DHX57: variants seen among roughly 807,000 people sequenced by gnomAD.
The protein encoded by DHX57 is DExH-box helicase 57.
In DHX57, 105 loss-of-function variants were observed where a neutral mutation model predicts 156.2. The ratio of observed to expected loss-of-function variants is 0.67; its 90% CI spans 0.57 to 0.79. DHX57 has a LOEUF of 0.79. Ranked by LOEUF, DHX57 falls within the 30% of genes least tolerant of loss-of-function variation. The pLI is 0.00. For missense variants in DHX57, 1,847 were observed against 1,661.9 expected (o/e 1.11, Z -1.94); for synonymous variants, 704 against 595.6 (o/e 1.18, Z -2.65).
chr2:38,823,272 G>A lies in DHX57; in HGVS notation c.3015-3C>T, dbSNP rs769885023. On this transcript the variant is annotated splice_polypyrimidine_tract_variant and splice_region_variant and intron_variant, in intron 16 of 23. Coordinates refer to ENST00000457308, the MANE Select transcript of DHX57 (RefSeq NM_198963.3). ...TAAACATCTCTAAAATTTTAATTCT[G>A]AAAAGGAAACAAAATAATAATTTGT... 25 of 1,608,342 alleles carry A rather than the reference G, an allele frequency of 1.6e-5. No homozygotes were observed. The Admixed American group carries it at 3.7e-4, about 24-fold the overall frequency.
At chr2:38,849,208 G>A (rs1558391554) in intron 9 of DHX57, among the ~76,000 whole-genome samples, 1 of 152,152 alleles carries the variant, frequency 6.6e-6, no homozygotes, top group Non-Finnish European at 1.5e-5. Flanking sequence ...TCCAGTCTAT[G>A]AAATAACATG....
chr2:38,822,714 T>C (rs1670887658), intron 17 of DHX57, among the ~76,000 whole-genome samples: 1 of 152,200 alleles, frequency 6.6e-6, no homozygotes, highest in African/African-American at 2.4e-5. Context: ...TTTAATAAGT[T>C]ATATCTCTAG....
intron 9 of DHX57, 71 bp downstream of exon 9, chr2:38,853,983 A>G: frequency 6.8e-7 from 1 of 1,468,526 alleles, no homozygotes. Context: ...AATTGGAACT[A>G]GAAAACAATT....
chr2:38,812,360 T>TA (rs892366228), intron 21 of DHX57, among the ~76,000 whole-genome samples: 1 of 152,154 alleles, frequency 6.6e-6, no homozygotes, highest in African/African-American at 2.4e-5. Context: ...GAGGATTTAA[T>TA]AAAAAAAGTT....
At chr2:38,817,582 C>T (rs750374354) in intron 19 of DHX57, among the ~76,000 whole-genome samples, 1 of 152,174 alleles carries the variant, frequency 6.6e-6, no homozygotes, top group Non-Finnish European at 1.5e-5. Context: ...TTCCAAAGTG[C>T]TGGGATTACA....
At chr2:38,803,884 TG>T (rs1267678039) in intron 22 of DHX57, among the ~76,000 whole-genome samples, 7 of 151,736 alleles carry the variant, frequency 4.6e-5, no homozygotes, top group African/African-American at 1.7e-4. Context: ...TAGGTTCAAG[TG>T]ATTCCCCTGC....
At chr2:38,803,768 T>A (rs1303120301) in intron 22 of DHX57, among the ~76,000 whole-genome samples, 1 of 140,384 alleles carries the variant, frequency 7.1e-6, no homozygotes, top group Non-Finnish European at 1.5e-5. Flanking sequence ...GGATTACAGG[T>A]GTGAGTCACC....
At chr2:38,859,532 T>C (rs1034273612) in intron 5 of DHX57, among the ~76,000 whole-genome samples, 2 of 152,228 alleles carry the variant, frequency 1.3e-5, no homozygotes, top group Non-Finnish European at 2.9e-5. Flanking sequence ...GTGAATTTTA[T>C]GGTATATAAA....
intron 2 of DHX57, among the ~76,000 whole-genome samples, chr2:38,867,894 T>C (rs1484509228): frequency 6.6e-6 from 1 of 152,216 alleles, no homozygotes; most frequent in Non-Finnish European, 1.5e-5. Context: ...AACATCAGTC[T>C]ATGATGCATA....
chr2:38,830,631 T>TA (rs569419701), intron 13 of DHX57, among the ~76,000 whole-genome samples: 1,741 of 119,224 alleles, frequency 0.015, 11 homozygotes, highest in Middle Eastern at 0.055. Context: ...TCCGTCTCAA[T>TA]AAAAAAAAAA....
intron 5 of DHX57, among the ~76,000 whole-genome samples, chr2:38,859,516 A>G (rs969311192): frequency 2.6e-5 from 4 of 152,236 alleles, no homozygotes; most frequent in African/African-American, 9.6e-5. Context: ...TGTGTATTTT[A>G]AAAGAGTGAA....
intron 14 of DHX57, 28 bp downstream of exon 14, chr2:38,828,312 T>C: frequency 1.9e-6 from 3 of 1,568,244 alleles, no homozygotes; most frequent in Non-Finnish European, 2.6e-6. Context: ...CAATGGATGA[T>C]TAAGAATATA....
intron 12 of DHX57, among the ~76,000 whole-genome samples, chr2:38,840,145 A>G (rs1233344706): frequency 6.6e-6 from 1 of 152,098 alleles, no homozygotes; most frequent in African/African-American, 2.4e-5. Flanking sequence ...AGGCAGCACC[A>G]TGTTGCCCAG....
intron 2 of DHX57, among the ~76,000 whole-genome samples, chr2:38,866,455 TA>T (rs1169930384): frequency 2.6e-5 from 4 of 152,208 alleles, no homozygotes; most frequent in African/African-American, 9.6e-5. Context: ...GATACCTTAT[TA>T]GGGGGGCTTT....
Position 38,819,151 on chromosome 2 carries a change from G to C in DHX57, c.3292-7C>G. 2.5e-6 allele frequency: 4 copies of C among 1,610,950 alleles called. No homozygotes were observed. Among genetic ancestry groups the C allele is most frequent in the Non-Finnish European group, 3.4e-6 (4 of 1,179,090 alleles). ...TTTTATCCCAGGGAGATACCTAAAGGAGAGAGGAAAATCAGATTTAAAGAA... is the reference window on the plus strand; with the variant it reads ...TTTTATCCCAGGGAGATACCTAAAGCAGAGAGGAAAATCAGATTTAAAGAA... On this transcript the variant is annotated splice_region_variant and splice_polypyrimidine_tract_variant and intron_variant, in intron 17 of 23. Transcript: ENST00000457308.
rs139545880 is a variant in DHX57, at chr2:38,871,110, A to G, written c.-6-2699T>C. ...TCTACATGAAAAAACAAAGAGTACT[A>G]GTAAAGGTAATTGAGTAATTATTTT... On this transcript the variant is annotated intron_variant, in intron 1 of 23. Transcript: ENST00000457308. 3.0e-3 allele frequency among the ~76,000 whole-genome samples: 450 copies of G among 152,292 alleles called. 4 individuals carry two copies. Among genetic ancestry groups the G allele is most frequent in the Middle Eastern group, 0.01 (3 of 294 alleles).
chr2:38,858,896 AGT>A, intron 5 of DHX57, 60 bp from the exon 6 acceptor site: 1 of 1,532,122 alleles, frequency 6.5e-7, no homozygotes, highest in Non-Finnish European at 8.8e-7. Flanking sequence ...AAAAGGGGAA[AGT>A]CGCTGTCTAA....
intron 2 of DHX57, 90 bp from the exon 3 acceptor site, chr2:38,863,609 A>G: frequency 1.7e-5 from 20 of 1,155,612 alleles, no homozygotes; most frequent in Admixed American, 2.4e-5. Context: ...ACACAATACA[A>G]ACTGGATTGT....
At chr2:38,803,003 C>G in intron 22 of DHX57, 88 bp from the exon 23 acceptor site, 1 of 1,406,492 alleles carries the variant, frequency 7.1e-7, no homozygotes, top group Non-Finnish European at 9.8e-7. Flanking sequence ...TAAATACTGC[C>G]TATTAATGAC....
Sources: allele counts gnomAD v4.1 joint callset (sites outside exome capture counted in the v4.1 genomes callset), GRCh38; gene constraint gnomAD v4.1.1; transcripts MANE v1.5; gene names NCBI Gene and HGNC (gene_info 2026-07-23, HGNC 2026-07-21).